The following STC2 variants were observed in gnomAD, a reference collection of about 807,000 sequenced individuals.
STC2 encodes stanniocalcin-2.
Under a neutral mutation model 22.7 loss-of-function variants are expected in STC2, and 7 were observed. That is an observed-to-expected ratio of 0.31 (90% CI 0.18 to 0.58). The LOEUF is 0.58. Ranked by LOEUF, STC2 falls within the 20% of genes least tolerant of loss-of-function variation. The pLI, the probability that STC2 is intolerant of heterozygous loss-of-function variation, is 0.89. For missense variants in STC2, 336 were observed against 406.2 expected (o/e 0.83, Z 1.48); for synonymous variants, 158 against 163.4 (o/e 0.97, Z 0.25).
chr5:173,316,877 T>C lies in STC2; in HGVS notation c.*970A>G, dbSNP rs116368798. The C allele has an allele frequency of 4.9e-4, 75 of 152,300 alleles. No homozygotes were observed. The highest frequency in any genetic ancestry group is 1.8e-3 in the African/African-American group (75 of 41,568). The allele number at this position is 152,300 out of a possible 1,614,324, so 9.4% of individuals were successfully genotyped here. On this transcript the variant is annotated 3_prime_UTR_variant, in exon 4 of 4. Transcript: ENST00000265087. ...TTGTCAAATGTACTCCCCAGGTGTG[T>C]ATTTTCCTCTGGGTATAAGGTTTCC...
intron 3 of STC2, among the ~76,000 whole-genome samples, chr5:173,318,918 G>A (rs1380722321): frequency 6.6e-6 from 1 of 152,232 alleles, no homozygotes; most frequent in South Asian, 2.1e-4. Context: ...CCATGTCCCT[G>A]GGACGTCATT....
chr5:173,326,772 C>T (rs1762552600), intron 1 of STC2: 1 of 152,214 alleles, frequency 6.6e-6, no homozygotes, highest in South Asian at 2.1e-4. Flanking sequence ...CCGAATGTGG[C>T]CCCCAGTCCT....
chr5:173,318,084 C>G lies in STC2; in HGVS notation c.672G>C (p.Glu224Asp). 6.2e-7 allele frequency: 1 copy of G among 1,607,622 alleles called. No homozygotes were observed. ...AIQKPPTAPP[E>D]RQPQVDRTKL... ...TGGTTCTGTCCACCTGGGGCTGGCG[C>G]TCGGGGGGCGCCGTGGGAGGCTTCT... is the stretch of plus-strand genomic sequence containing the variant. The change falls in exon 4 of 4, where the codon GAG (glutamate) becomes GAC (aspartate). Residue 224 changes from glutamate (E) to aspartate (D), a missense_variant. Transcript: ENST00000265087.
chr5:173,320,688 T>TGGGGTGC (rs1762474057), intron 3 of STC2, among the ~76,000 whole-genome samples: 1 of 142,946 alleles, frequency 7.0e-6, no homozygotes, highest in African/African-American at 2.6e-5. Context: ...AAGAGCAGCA[T>TGGGGTGC]TAACTGGGGG....
At position 173,318,229 on chromosome 5, in the gene STC2, T is replaced by G. The variant is rs1220969720; in HGVS notation, c.527A>C (p.Asn176Thr). 4 of 1,494,894 alleles carry G rather than the reference T, an allele frequency of 2.7e-6. No homozygotes were observed. Among genetic ancestry groups the G allele is most frequent in the Non-Finnish European group, 3.6e-6 (4 of 1,119,800 alleles). 92.6% of individuals were successfully genotyped at this position (1,494,894 alleles called of 1,614,324 possible). ...CTCCTCCCCACAGGTCAGCAGCAAG[T>G]TCACGAGGTCCACGTAGGGTCTAAA... ...LLHEPYVDLV[N>T]LLLTCGEEVK... is the part of the protein sequence containing the mutation. The change falls in exon 4 of 4, where the codon AAC becomes ACC. Residue 176 changes from asparagine to threonine, a missense_variant. This residue lies in a region of STC2 where 215 missense variants were observed against 231.5 expected (regional missense o/e 0.93). Transcript: ENST00000265087.
Position 173,314,781 on chromosome 5 carries a change from A to G in STC2, c.*3066T>C, listed in dbSNP as rs1762400560. 1.3e-5 allele frequency: 2 copies of G among 152,246 alleles called. No individual in the cohort carries two copies. The highest frequency in any genetic ancestry group is 4.8e-5 in the African/African-American group (2 of 41,476). 9.4% of individuals were successfully genotyped at this position (152,246 alleles called of 1,614,324 possible). A position where few individuals can be genotyped will look rare whatever the true frequency, so the allele number is the denominator to read the frequency against. On this transcript the variant is annotated 3_prime_UTR_variant, in exon 4 of 4. Coordinates refer to ENST00000265087, the MANE Select transcript of STC2 (RefSeq NM_003714.3). This position sits in a 1 kb window ranked among gnomAD's most constrained non-coding sequence, Gnocchi z 4.6. The stretch of plus-strand genomic sequence containing the variant: ...GAAAAATAATGCAATGTGACAATGT[A>G]CAGGTCCTGTTGCCTAAATCCGTAG...
chr5:173,327,938 G>A (rs1762571020), intron 1 of STC2, 105 bp downstream of exon 1: 3 of 1,353,798 alleles, frequency 2.2e-6, no homozygotes, highest in Non-Finnish European at 2.9e-6. Context: ...AGTTTGCGTG[G>A]CCCTGGGTGG....
At position 173,323,080 on chromosome 5, in the gene STC2, T is replaced by A; in HGVS notation, c.506+139A>T. 3 of 779,916 alleles carry A rather than the reference T, an allele frequency of 3.8e-6. No homozygotes were observed. Among genetic ancestry groups the A allele is most frequent in the Admixed American group, 2.2e-5 (1 of 45,530 alleles). 48.3% of individuals were successfully genotyped at this position (779,916 alleles called of 1,614,324 possible). A position where few individuals can be genotyped will look rare whatever the true frequency, so the allele number is the denominator to read the frequency against. On this transcript the variant is annotated intron_variant, in intron 3 of 3. Coordinates refer to ENST00000265087, the MANE Select transcript of STC2 (RefSeq NM_003714.3). The surrounding 1 kb of genome is among the most constrained non-coding windows in gnomAD (Gnocchi z 5.4). ...AAGGGGCCTTTTAGTAGAGTCAGTG[T>A]AGCTTTCTGAAGTAAATGGAAGCCT... is the stretch of plus-strand genomic sequence containing the variant.
intron 3 of STC2, among the ~76,000 whole-genome samples, chr5:173,320,554 C>T (rs768959003): frequency 3.9e-5 from 6 of 152,050 alleles, no homozygotes; most frequent in Non-Finnish European, 8.8e-5. Flanking sequence ...TGGAGCCTGC[C>T]AGCACCCAGT....
At chr5:173,319,532 G>T (rs1297286998) in intron 3 of STC2, among the ~76,000 whole-genome samples, 1 of 152,262 alleles carries the variant, frequency 6.6e-6, no homozygotes, top group Non-Finnish European at 1.5e-5. Flanking sequence ...CACCAGAGAG[G>T]CTGCGTTACA....
At position 173,323,934 on chromosome 5, in the gene STC2, G is replaced by T; in HGVS notation, c.295-504C>A. 5.7e-6 allele frequency: 1 copy of T among 174,704 alleles called. No homozygotes were observed. Among genetic ancestry groups the T allele is most frequent in the Non-Finnish European group, 1.2e-5 (1 of 80,872 alleles). 10.8% of individuals were successfully genotyped at this position (174,704 alleles called of 1,614,324 possible). A position where few individuals can be genotyped will look rare whatever the true frequency, so the allele number is the denominator to read the frequency against. On this transcript the variant is annotated intron_variant, in intron 2 of 3. Coordinates refer to ENST00000265087, the MANE Select transcript of STC2 (RefSeq NM_003714.3). This position sits in a 1 kb window ranked among gnomAD's most constrained non-coding sequence, Gnocchi z 5.4. Reference sequence around the variant, plus strand: ...AGGGGCGACACCGAGATTGATTGCTGATTGTACCTCCCTTTCTGCCTCCGT... The same window carrying T: ...AGGGGCGACACCGAGATTGATTGCTTATTGTACCTCCCTTTCTGCCTCCGT...
intron 3 of STC2, among the ~76,000 whole-genome samples, chr5:173,321,356 G>T (rs3776777): frequency 6.6e-6 from 1 of 151,980 alleles, no homozygotes; most frequent in Admixed American, 6.5e-5. Context: ...ATTCCCCACC[G>T]ATTCCTGAGG....
intron 3 of STC2, among the ~76,000 whole-genome samples, chr5:173,321,908 G>T (rs2113134731): frequency 6.6e-6 from 1 of 152,362 alleles, no homozygotes; most frequent in South Asian, 2.1e-4. Flanking sequence ...AAAATATTTT[G>T]TAAGGCGTTA....
rs1415984886 is a variant in STC2, at chr5:173,323,364, T to G, written c.361A>C (p.Ile121Leu). The G allele has an allele frequency of 6.2e-7, 1 of 1,614,204 alleles. No homozygotes were observed. Among genetic ancestry groups the G allele is most frequent in the East Asian group, 2.2e-5 (1 of 44,886 alleles). The change falls in exon 3 of 4, where the codon ATA (isoleucine) becomes CTA (leucine). Residue 121 changes from isoleucine to leucine, a missense_variant. Physicochemically the swap from Ile to Leu is conservative, Grantham distance 5. Around this residue, in one of 3 missense-constraint regions of STC2, gnomAD observed 22 missense variants for 52.0 expected, o/e 0.42. Coordinates refer to ENST00000265087, the MANE Select transcript of STC2 (RefSeq NM_003714.3). This position sits in a 1 kb window ranked among gnomAD's most constrained non-coding sequence, Gnocchi z 5.4. Reference sequence around the variant, plus strand: ...CTGATGGCCGGGCACTTCCGGCTTATGCAGCCGAACCTGTGCCGCAGAGCG... The same window carrying G: ...CTGATGGCCGGGCACTTCCGGCTTAGGCAGCCGAACCTGTGCCGCAGAGCG... ...AHALRHRFGC[I>L]SRKCPAIREM...
chr5:173,318,212 C>A lies in STC2; in HGVS notation c.544G>T (p.Gly182Trp). 1 of 1,523,710 alleles carries A rather than the reference C, an allele frequency of 6.6e-7. No individual in the cohort carries two copies. The highest frequency in any genetic ancestry group is 8.8e-7 in the Non-Finnish European group (1 of 1,134,352). 94.4% of individuals were successfully genotyped at this position (1,523,710 alleles called of 1,614,324 possible). A position where few individuals can be genotyped will look rare whatever the true frequency, so the allele number is the denominator to read the frequency against. Reference protein sequence around the residue: ...VDLVNLLLTCGEEVKEAITHS... With the variant: ...VDLVNLLLTCWEEVKEAITHS... ...GTGATGGCCTCCTTCACCTCCTCCC[C>A]ACAGGTCAGCAGCAAGTTCACGAGG... Residue 182 changes from glycine to tryptophan, a missense_variant, in exon 4 of 4, where the codon GGG becomes TGG. By Grantham distance (184) the Gly-to-Trp change is radical (BLOSUM62 -2). This residue lies in a region of STC2 where 215 missense variants were observed against 231.5 expected (regional missense o/e 0.93). Transcript: ENST00000265087.
In STC2 at chr5:173,317,932, C is replaced by G; in HGVS notation, c.824G>C (p.Arg275Thr). Reference protein sequence around the residue: ...KSHPNAHARGRVGGLGAQGPS... With the variant: ...KSHPNAHARGTVGGLGAQGPS... ...TCCCTGAGCCCCAAGGCCCCCGACTCTGCCTCGGGCATGGGCGTTTGGGTG... is the reference window on the plus strand; with the variant it reads ...TCCCTGAGCCCCAAGGCCCCCGACTGTGCCTCGGGCATGGGCGTTTGGGTG... The change falls in exon 4 of 4, where the codon AGA (arginine) becomes ACA (threonine). Residue 275 changes from arginine (R) to threonine (T), a missense_variant. Transcript: ENST00000265087. The G allele has an allele frequency of 2.5e-6, 4 of 1,613,472 alleles. No individual in the cohort carries two copies. Among genetic ancestry groups the G allele is most frequent in the Non-Finnish European group, 3.4e-6 (4 of 1,179,798 alleles).
chr5:173,325,792 A>G lies in STC2; in HGVS notation c.294+76T>C. 1 of 1,598,362 alleles carries G rather than the reference A, an allele frequency of 6.3e-7. No homozygotes were observed. On this transcript the variant is annotated intron_variant, in intron 2 of 3. Coordinates refer to ENST00000265087, the MANE Select transcript of STC2 (RefSeq NM_003714.3). The surrounding 1 kb of genome is among the most constrained non-coding windows in gnomAD (Gnocchi z 4.7). Reference sequence around the variant, plus strand: ...CAAGGAACAGCAAAGGAAGTTGGTTAACAAGGCTTTCCAATGAACGTTTCA... The same window carrying G: ...CAAGGAACAGCAAAGGAAGTTGGTTGACAAGGCTTTCCAATGAACGTTTCA...
chr5:173,321,902 T>C (rs962496233), intron 3 of STC2, among the ~76,000 whole-genome samples: 1 of 152,248 alleles, frequency 6.6e-6, no homozygotes, highest in Non-Finnish European at 1.5e-5. Flanking sequence ...GAATAAAAAA[T>C]ATTTTGTAAG....
In STC2 at chr5:173,325,657, T is replaced by C. The variant is rs115174301; in HGVS notation, c.294+211A>G. 1.0e-2 allele frequency among the ~76,000 whole-genome samples: 1,520 copies of C among 152,318 alleles called. 10 individuals are homozygous for C. Among genetic ancestry groups the C allele is most frequent in the Middle Eastern group, 0.024 (7 of 294 alleles). On this transcript the variant is annotated intron_variant, in intron 2 of 3. Transcript: ENST00000265087. This position sits in a 1 kb window ranked among gnomAD's most constrained non-coding sequence, Gnocchi z 4.7. ...AGGTGTTTATCGTTTATTATGACAT[T>C]GGTCTCCAGTCCACCCTGCCTGTGT...
Sources: gnomAD v4.1 joint callset for allele counts (sites outside exome capture counted in the v4.1 genomes callset) on GRCh38, gnomAD v4.1.1 for gene constraint, gnomAD v4.1.1 regional missense constraint, Gnocchi (gnomAD v3.1) non-coding constraint, MANE v1.5 for transcripts, NCBI Gene and HGNC (gene_info 2026-07-23, HGNC 2026-07-21) for gene names.